Variants in RARB observed in about 807,000 individuals in gnomAD.
RARB encodes the protein retinoic acid receptor beta, also known as HBV-activated protein.
Under a neutral mutation model 51.9 loss-of-function variants are expected in RARB, and 17 were observed. The observed-to-expected ratio is 0.33, with a 90% CI of 0.22 to 0.49. The LOEUF is 0.49. Among genes scored for constraint, RARB ranks in the 20% least tolerant of loss-of-function variants. RARB has a pLI of 0.99. For synonymous variants in RARB, 215 were observed against 195.4 expected (o/e 1.10, Z -0.84); for missense variants, 369 against 550.8 (o/e 0.67, Z 3.30).
At chr3:25,382,446 T>A (rs1706657072) in intron 5 of RARB, among the ~76,000 whole-genome samples, 1 of 152,194 alleles carries the variant, frequency 6.6e-6, no homozygotes, top group East Asian at 1.9e-4. Context: ...GGTAGCCTCA[T>A]CCATGGGTGT....
intron 4 of RARB, among the ~76,000 whole-genome samples, chr3:25,150,624 G>A (rs931079615): frequency 2.0e-5 from 3 of 152,182 alleles, no homozygotes; most frequent in Non-Finnish European, 2.9e-5. Context: ...TGTATACATA[G>A]AGTACAATCA....
At chr3:25,286,754 T>C (rs987234351) in intron 5 of RARB, among the ~76,000 whole-genome samples, 1 of 152,240 alleles carries the variant, frequency 6.6e-6, no homozygotes, top group African/African-American at 2.4e-5. Context: ...AAGTCATGTG[T>C]AATATTTACA....
rs138421466 is a variant in RARB at position 24,925,788 on chromosome 3, T to G, written c.-380+67036T>G. Among the ~76,000 whole-genome samples, 405 of 152,210 alleles carry G rather than the reference T, an allele frequency of 2.7e-3. 1 individual carries two copies. The highest frequency in any genetic ancestry group is 9.4e-3 in the African/African-American group (389 of 41,544). On this transcript the variant is annotated intron_variant, in intron 2 of 11. Transcript: ENST00000383772. Reference sequence around the variant, plus strand: ...TTCACAACTTTCAATAGCTTACTCTTGCCTACAAAATACCTTTCACGTGAA... The same window carrying G: ...TTCACAACTTTCAATAGCTTACTCTGGCCTACAAAATACCTTTCACGTGAA...
intron 2 of RARB, among the ~76,000 whole-genome samples, chr3:24,888,523 A>G (rs533846714): frequency 6.6e-6 from 1 of 152,152 alleles, no homozygotes; most frequent in African/African-American, 2.4e-5. Context: ...CTAAGACCCT[A>G]TAATCAGCCA....
intron 3 of RARB, among the ~76,000 whole-genome samples, chr3:25,502,082 T>C (rs952881321): frequency 1.3e-5 from 2 of 152,212 alleles, no homozygotes; most frequent in African/African-American, 4.8e-5. Context: ...CATGGGGCTA[T>C]GTGCCCAGTG....
intron 3 of RARB, among the ~76,000 whole-genome samples, chr3:25,531,529 G>A (rs1373907655): frequency 6.6e-6 from 1 of 152,052 alleles, no homozygotes; most frequent in Non-Finnish European, 1.5e-5. Flanking sequence ...TGGTGATAAT[G>A]TATTTAATCT....
intron 5 of RARB, among the ~76,000 whole-genome samples, chr3:25,347,004 G>A (rs1208008623): frequency 1.3e-5 from 2 of 152,194 alleles, no homozygotes; most frequent in South Asian, 4.1e-4. Flanking sequence ...TGAAGAGAAA[G>A]CATTGGGAAT....
chr3:25,587,430 A>AT (rs1193763754), intron 5 of RARB, among the ~76,000 whole-genome samples: 1 of 147,206 alleles, frequency 6.8e-6, no homozygotes, highest in African/African-American at 2.7e-5. Flanking sequence ...CTCCTTAATG[A>AT]TTTTTTTGTA....
intron 2 of RARB, among the ~76,000 whole-genome samples, chr3:24,996,914 A>G (rs1343131049): frequency 6.6e-6 from 1 of 152,144 alleles, no homozygotes; most frequent in Non-Finnish European, 1.5e-5. Context: ...GTATTTATGA[A>G]AAGAATGTAT....
chr3:24,871,344 A>T (rs989676000), intron 2 of RARB, among the ~76,000 whole-genome samples: 2 of 152,148 alleles, frequency 1.3e-5, no homozygotes, highest in East Asian at 1.9e-4. Flanking sequence ...CAAATGGTCA[A>T]TTCTCACTCT....
chr3:25,514,159 A>G (rs971981194), intron 3 of RARB, among the ~76,000 whole-genome samples: 11 of 152,190 alleles, frequency 7.2e-5, no homozygotes, highest in African/African-American at 2.7e-4. Flanking sequence ...AATTCTCAGG[A>G]GAGTGGCTAC....
intron 3 of RARB, among the ~76,000 whole-genome samples, chr3:25,502,016 G>A (rs1697341744): frequency 6.6e-6 from 1 of 152,214 alleles, no homozygotes; most frequent in South Asian, 2.1e-4. Flanking sequence ...GTGTACAAAT[G>A]TAGGGAATAA....
chr3:25,251,486 AGT>A (rs1400363506), intron 5 of RARB, among the ~76,000 whole-genome samples: 14 of 152,084 alleles, frequency 9.2e-5, no homozygotes, highest in African/African-American at 3.1e-4. Flanking sequence ...TCTTGTTAGC[AGT>A]GTGTGAGCAT....
At chr3:25,307,330 T>G (rs1235526729) in intron 5 of RARB, among the ~76,000 whole-genome samples, 1 of 151,322 alleles carries the variant, frequency 6.6e-6, no homozygotes, top group East Asian at 2.0e-4. Context: ...GAGGTTGCAG[T>G]GAACTGAGAT....
At chr3:24,943,717 G>A (rs1695717366) in intron 2 of RARB, among the ~76,000 whole-genome samples, 1 of 152,130 alleles carries the variant, frequency 6.6e-6, no homozygotes. Context: ...CCATTTTCCT[G>A]CAAATTGCAT....
intron 2 of RARB, among the ~76,000 whole-genome samples, chr3:25,056,739 G>A (rs1183423024): frequency 6.6e-6 from 1 of 152,084 alleles, no homozygotes; most frequent in Non-Finnish European, 1.5e-5. Flanking sequence ...TATTTTGGCT[G>A]AGAGTTTTGC....
chr3:25,026,924 G>A (rs1230544655), intron 2 of RARB, among the ~76,000 whole-genome samples: 2 of 152,160 alleles, frequency 1.3e-5, no homozygotes, highest in Non-Finnish European at 2.9e-5. Context: ...AGATGATTAG[G>A]AAGCGATGAG....
intron 5 of RARB, among the ~76,000 whole-genome samples, chr3:25,249,778 G>A (rs868416856): frequency 1.4e-5 from 1 of 73,992 alleles, no homozygotes; most frequent in Non-Finnish European, 2.4e-5. Context: ...TGGAGGCTGT[G>A]ATGAAGTTTT....
intron 4 of RARB, among the ~76,000 whole-genome samples, chr3:25,142,348 TA>T (rs955791356): frequency 4.7e-5 from 7 of 149,188 alleles, no homozygotes; most frequent in East Asian, 2.0e-4. Context: ...AAAGAAATAA[TA>T]AAAAAAAAAT....
Sources: gnomAD v4.1 joint callset for allele counts (sites outside exome capture counted in the v4.1 genomes callset) on GRCh38, gnomAD v4.1.1 for gene constraint, MANE v1.5 for transcripts, NCBI Gene and HGNC (gene_info 2026-07-23, HGNC 2026-07-21) for gene names.